The following UPK1B variants were observed in gnomAD, a reference collection of about 807,000 sequenced individuals.
UPK1B encodes the protein uroplakin 1B, also known as uroplakin-1b.
UPK1B carries 28 observed loss-of-function variants against 34.2 expected under a neutral mutation model. The ratio of observed to expected loss-of-function variants is 0.82; its 90% confidence interval spans 0.61 to 1.12. The LOEUF (loss-of-function observed/expected upper bound fraction) is 1.12, where lower values mean the gene tolerates loss of function less well. UPK1B is among the 50% of genes most tolerant of loss of function. The pLI is 0.00. For synonymous variants in UPK1B, 81 were observed against 110.4 expected, an observed-to-expected ratio of 0.73 and a Z score of 1.67; for missense variants, 325 against 320.9, an observed-to-expected ratio of 1.01 and a Z score of -0.10.
At chr3:119,198,341 G>T (rs1445549682) in intron 6 of UPK1B, among the ~76,000 whole-genome samples, 1 of 152,138 alleles carries the variant, frequency 6.6e-6, no homozygotes, top group Middle Eastern at 3.2e-3. Flanking sequence ...CAGAGCTTTG[G>T]TAGAGGCTGC....
chr3:119,202,218 G>A (rs990500920), intron 7 of UPK1B, among the ~76,000 whole-genome samples: 8 of 152,182 alleles, frequency 5.3e-5, no homozygotes, highest in Non-Finnish European at 8.8e-5. Flanking sequence ...ATTCAGTGGG[G>A]CTCTCAAGAA....
chr3:119,189,370 C>A (rs981120818), intron 3 of UPK1B, among the ~76,000 whole-genome samples: 18 of 152,198 alleles, frequency 1.2e-4, no homozygotes, highest in Middle Eastern at 3.2e-3. Flanking sequence ...CCCTGCCTAC[C>A]CTGCTGACAC....
At chr3:119,173,815 T>C (rs1409986220) in intron 1 of UPK1B, among the ~76,000 whole-genome samples, 177 bp downstream of exon 1, 1 of 152,256 alleles carries the variant, frequency 6.6e-6, no homozygotes, top group Non-Finnish European at 1.5e-5. Flanking sequence ...TGTTCTCTTT[T>C]ACTTTGAACC....
At chr3:119,197,780 T>G (rs12632242) in intron 6 of UPK1B, among the ~76,000 whole-genome samples, 36,182 of 152,106 alleles carry the variant, frequency 0.24, 4,792 homozygotes, top group Middle Eastern at 0.37. Flanking sequence ...AAATAGGCCA[T>G]GAGCAGAAAT....
At chr3:119,200,889 T>C (rs2078087803) in intron 7 of UPK1B, among the ~76,000 whole-genome samples, 1 of 152,246 alleles carries the variant, frequency 6.6e-6, no homozygotes, top group African/African-American at 2.4e-5. Flanking sequence ...AAGACAACCA[T>C]ATTACACTAT....
intron 1 of UPK1B, among the ~76,000 whole-genome samples, chr3:119,176,561 G>T (rs941048201): frequency 6.6e-6 from 1 of 152,194 alleles, no homozygotes; most frequent in African/African-American, 2.4e-5. Flanking sequence ...ATCATACCAG[G>T]CCACAGGGCA....
intron 5 of UPK1B, among the ~76,000 whole-genome samples, chr3:119,192,173 T>C (rs551644151): frequency 2.0e-5 from 3 of 152,338 alleles, no homozygotes; most frequent in South Asian, 4.1e-4. Context: ...TTTCATTTAT[T>C]CTAATATCTC....
chr3:119,191,159 G>C (rs2078042438), intron 5 of UPK1B, 55 bp downstream of exon 5: 1 of 1,595,126 alleles, frequency 6.3e-7, no homozygotes, highest in African/African-American at 1.3e-5. Flanking sequence ...GGGAGTGGGT[G>C]TCATACACAT....
intron 5 of UPK1B, among the ~76,000 whole-genome samples, chr3:119,194,007 T>C (rs1418190444): frequency 1.3e-5 from 2 of 152,198 alleles, no homozygotes; most frequent in Admixed American, 6.5e-5. Context: ...CACTAATGAC[T>C]AGTAAAGTAG....
intron 6 of UPK1B, among the ~76,000 whole-genome samples, chr3:119,195,090 G>C (rs921853057): frequency 2.0e-5 from 3 of 152,178 alleles, no homozygotes; most frequent in Non-Finnish European, 2.9e-5. Flanking sequence ...CTTAGACGTA[G>C]AGATACTAAT....
intron 7 of UPK1B, among the ~76,000 whole-genome samples, chr3:119,199,634 C>A (rs1238962685): frequency 6.6e-6 from 1 of 152,220 alleles, no homozygotes; most frequent in African/African-American, 2.4e-5. Flanking sequence ...TGGTTCTCAG[C>A]CCTGGCTACA....
At chr3:119,196,601 G>A (rs180749952) in intron 6 of UPK1B, among the ~76,000 whole-genome samples, 32 of 144,930 alleles carry the variant, frequency 2.2e-4, no homozygotes, top group African/African-American at 7.5e-4. Flanking sequence ...GTGCAGTGGC[G>A]CTATCTCGGC....
intron 2 of UPK1B, among the ~76,000 whole-genome samples, chr3:119,187,525 C>G (rs911597079): frequency 6.6e-6 from 1 of 151,980 alleles, no homozygotes; most frequent in African/African-American, 2.4e-5. Flanking sequence ...TGATTCATGC[C>G]CCAAGGACAT....
intron 1 of UPK1B, among the ~76,000 whole-genome samples, chr3:119,180,225 C>G (rs2077983330): frequency 6.6e-6 from 1 of 152,218 alleles, no homozygotes; most frequent in African/African-American, 2.4e-5. Flanking sequence ...TCAGTTTTTG[C>G]TCTTAAGGTT....
At chr3:119,196,145 G>T (rs892050192) in intron 6 of UPK1B, among the ~76,000 whole-genome samples, 8 of 151,936 alleles carry the variant, frequency 5.3e-5, no homozygotes, top group African/African-American at 1.9e-4. Context: ...TGTGCTCCTT[G>T]TTTCTCAACC....
intron 1 of UPK1B, among the ~76,000 whole-genome samples, chr3:119,185,271 T>G (rs940970530): frequency 6.6e-6 from 1 of 152,118 alleles, no homozygotes; most frequent in African/African-American, 2.4e-5. Context: ...ATGTCTAAAC[T>G]TACTTGGAAG....
In UPK1B at chr3:119,204,131, G is replaced by C; in HGVS notation, c.*164G>C. The C allele has an allele frequency of 2.9e-6, 2 of 687,246 alleles. No individual in the cohort carries two copies. The highest frequency in any genetic ancestry group is 4.9e-6 in the Non-Finnish European group (2 of 409,878). 42.6% of individuals were successfully genotyped at this position (687,246 alleles called of 1,614,324 possible). A position where few individuals can be genotyped will look rare whatever the true frequency, so the allele number is the denominator to read the frequency against. Reference sequence around the variant, plus strand: ...TCCTTTAGGATCTCAGGCTTCTGCAGTTCTCATGACTCCTACTTTTCATCC... The same window carrying C: ...TCCTTTAGGATCTCAGGCTTCTGCACTTCTCATGACTCCTACTTTTCATCC... On this transcript the variant is annotated 3_prime_UTR_variant, in exon 8 of 8. Coordinates refer to ENST00000264234, the MANE Select transcript of UPK1B (RefSeq NM_006952.4).
At chr3:119,203,461 T>A (rs13078534) in intron 7 of UPK1B, among the ~76,000 whole-genome samples, 16 of 151,144 alleles carry the variant, frequency 1.1e-4, no homozygotes, top group Admixed American at 9.2e-4. Context: ...TATGGAATAC[T>A]ATGCAGCCAT....
chr3:119,182,367 T>C (rs1225133938), intron 1 of UPK1B, among the ~76,000 whole-genome samples: 4 of 152,154 alleles, frequency 2.6e-5, no homozygotes, highest in Non-Finnish European at 5.9e-5. Context: ...GTCACTGATA[T>C]ATAAAACAAA....
Sources: allele counts gnomAD v4.1 joint callset (sites outside exome capture counted in the v4.1 genomes callset), GRCh38; gene constraint gnomAD v4.1.1; transcripts MANE v1.5; gene names NCBI Gene and HGNC (gene_info 2026-07-23, HGNC 2026-07-21).